Variants in SLCO1A2 observed in about 807,000 individuals in gnomAD.
SLCO1A2 encodes solute carrier organic anion transporter family member 1A2.
A neutral mutation model predicts 69.0 loss-of-function variants in SLCO1A2; 67 were observed. The ratio of observed to expected loss-of-function variants is 0.97; its 90% CI spans 0.80 to 1.19. The LOEUF (loss-of-function observed/expected upper bound fraction) is 1.19. SLCO1A2 is among the 50% of genes most tolerant of loss of function. The pLI, the probability that SLCO1A2 is intolerant of heterozygous loss-of-function variation, is 0.00. For synonymous variants in SLCO1A2, 260 were observed against 265.9 expected, an observed-to-expected ratio of 0.98 and a Z score of 0.22; for missense variants, 787 against 793.7, an observed-to-expected ratio of 0.99 and a Z score of 0.10.
chr12:21,308,201 A>G (rs1166888526), intron 4 of SLCO1A2, among the ~76,000 whole-genome samples: 1 of 152,230 alleles, frequency 6.6e-6, no homozygotes, highest in Non-Finnish European at 1.5e-5. Flanking sequence ...TTCCCAAAGC[A>G]TCAGCAAAAT....
At chr12:21,337,426 T>G (rs1470804881), upstream of SLCO1A2, among the ~76,000 whole-genome samples, 1 of 151,972 alleles carries the variant, frequency 6.6e-6, no homozygotes, top group Non-Finnish European at 1.5e-5. Context: ...TGTGTTTAAT[T>G]TTACATTATT....
intron 12 of SLCO1A2, among the ~76,000 whole-genome samples, chr12:21,291,119 AT>A (rs1362503543): frequency 6.6e-6 from 1 of 152,154 alleles, no homozygotes; most frequent in African/African-American, 2.4e-5. Context: ...TATCATTAGT[AT>A]TTTACACCCA....
intron 12 of SLCO1A2, among the ~76,000 whole-genome samples, chr12:21,286,704 C>T (rs1319681626): frequency 2.1e-4 from 24 of 113,848 alleles, no homozygotes; most frequent in Middle Eastern, 4.0e-3. Flanking sequence ...GAAATAACGC[C>T]GCATACCTAC....
At chr12:21,314,426 TCTTCCC>T in intron 4 of SLCO1A2, 117 bp downstream of exon 4, 1 of 1,002,594 alleles carries the variant, frequency 1.0e-6, no homozygotes, top group Non-Finnish European at 1.5e-6. Context: ...AGAATGTGCA[TCTTCCC>T]CTTCCCATTA....
intron 1 of SLCO1A2, among the ~76,000 whole-genome samples, chr12:21,394,154 G>C (rs1285994154): frequency 6.6e-6 from 1 of 152,106 alleles, no homozygotes; most frequent in Non-Finnish European, 1.5e-5. Context: ...AAGAAACACG[G>C]GCCCATGAAC....
chr12:21,390,675 T>G (rs1941107271), intron 1 of SLCO1A2, among the ~76,000 whole-genome samples: 1 of 152,202 alleles, frequency 6.6e-6, no homozygotes, highest in Non-Finnish European at 1.5e-5. Context: ...ATATTTCTGA[T>G]GCTTTGGTGA....
intron 1 of SLCO1A2, among the ~76,000 whole-genome samples, chr12:21,394,168 A>G (rs570939661): frequency 6.6e-6 from 1 of 152,268 alleles, no homozygotes; most frequent in African/African-American, 2.4e-5. Flanking sequence ...CATGAACAAG[A>G]CAGTGCTTCA....
chr12:21,286,128 A>C (rs1382922205), intron 12 of SLCO1A2, among the ~76,000 whole-genome samples: 1 of 149,158 alleles, frequency 6.7e-6, no homozygotes, highest in Admixed American at 6.7e-5. Flanking sequence ...TCAGCCCAAA[A>C]TCTCCTTAAG....
chr12:21,312,749 G>T (rs1950376300), intron 4 of SLCO1A2, among the ~76,000 whole-genome samples: 1 of 152,044 alleles, frequency 6.6e-6, no homozygotes, highest in Non-Finnish European at 1.5e-5. Flanking sequence ...CAGTGGAGCA[G>T]TCAGAACACA....
chr12:21,345,960 T>C (rs970381223), intron 2 of SLCO1A2, among the ~76,000 whole-genome samples: 4 of 151,982 alleles, frequency 2.6e-5, no homozygotes, highest in Non-Finnish European at 4.4e-5. Flanking sequence ...CTTAATATAG[T>C]CGAGTATAAA....
intron 1 of SLCO1A2, among the ~76,000 whole-genome samples, chr12:21,388,277 T>A (rs1940985084): frequency 6.6e-6 from 1 of 152,098 alleles, no homozygotes; most frequent in African/African-American, 2.4e-5. Context: ...GACATAAGAT[T>A]TGGGAGGGAC....
intron 1 of SLCO1A2, among the ~76,000 whole-genome samples, chr12:21,406,780 A>G (rs928625142): frequency 3.9e-5 from 6 of 152,198 alleles, no homozygotes; most frequent in African/African-American, 1.4e-4. Flanking sequence ...TCAGTAGTTG[A>G]TATTAGGTTA....
intron 1 of SLCO1A2, among the ~76,000 whole-genome samples, chr12:21,380,230 G>C (rs909406917): frequency 9.9e-5 from 15 of 151,986 alleles, no homozygotes; most frequent in Admixed American, 4.6e-4. Context: ...ATATGGATTT[G>C]TTATTTAACA....
At chr12:21,346,326 G>T (rs1274426699) in intron 2 of SLCO1A2, among the ~76,000 whole-genome samples, 1 of 152,032 alleles carries the variant, frequency 6.6e-6, no homozygotes, top group African/African-American at 2.4e-5. Context: ...GATCTTCGAA[G>T]AACTCACCCA....
chr12:21,310,011 G>T (rs1304863897), intron 4 of SLCO1A2, among the ~76,000 whole-genome samples: 1 of 152,164 alleles, frequency 6.6e-6, no homozygotes, highest in Non-Finnish European at 1.5e-5. Flanking sequence ...CTAACCATAT[G>T]ATATAACGAG....
intron 2 of SLCO1A2, among the ~76,000 whole-genome samples, chr12:21,356,910 T>C (rs112967201): frequency 6.6e-5 from 10 of 152,074 alleles, no homozygotes; most frequent in African/African-American, 2.4e-4. Flanking sequence ...CCAGTGCTCG[T>C]GGAAACTTTA....
At chr12:21,290,069 G>T (rs1218973161) in intron 12 of SLCO1A2, among the ~76,000 whole-genome samples, 1 of 151,930 alleles carries the variant, frequency 6.6e-6, no homozygotes, top group Non-Finnish European at 1.5e-5. Context: ...GTACATATGT[G>T]TGTGTGCATA....
rs540651560 is a variant in SLCO1A2 at position 21,293,509 on chromosome 12, A to T, written c.1437+436T>A. Among the ~76,000 whole-genome samples the T allele has an allele frequency of 1.3e-3, 196 of 152,006 alleles. 1 individual carries two copies. The highest frequency in any genetic ancestry group is 3.4e-3 in the Middle Eastern group (1 of 294). ...AGAACATTCCTAATTCTAAATTCTC[A>T]AAGAACTGTCAGAATGTGAAAAACA... On this transcript the variant is annotated intron_variant, in intron 11 of 14. Coordinates refer to ENST00000683939, the MANE Select transcript of SLCO1A2 (RefSeq NM_001386879.1).
At position 21,296,116 on chromosome 12, in the gene SLCO1A2, C is replaced by T. The variant is rs77458355; in HGVS notation, c.1076-324G>A. ...TAGGATCCAGGTAGAAGTGGCAAGT[C>T]AAAATTGGCCAGTAATTTATTCATT... On this transcript the variant is annotated intron_variant, in intron 9 of 14. Coordinates refer to ENST00000683939, the MANE Select transcript of SLCO1A2 (RefSeq NM_001386879.1). 5.3e-3 allele frequency among the ~76,000 whole-genome samples: 808 copies of T among 152,230 alleles called. 11 individuals carry two copies. The highest frequency in any genetic ancestry group is 0.019 in the African/African-American group (774 of 41,536).
Sources: gnomAD v4.1 joint callset for allele counts (sites outside exome capture counted in the v4.1 genomes callset) on GRCh38, gnomAD v4.1.1 for gene constraint, MANE v1.5 for transcripts, NCBI Gene and HGNC (gene_info 2026-07-23, HGNC 2026-07-21) for gene names.